Variants in TRPM3 observed in about 807,000 individuals in gnomAD.
TRPM3 encodes long transient receptor potential channel 3.
Under a neutral mutation model 181.2 loss-of-function variants are expected in TRPM3, and 77 were observed. That is an observed-to-expected ratio of 0.42 (90% CI 0.35 to 0.51). The LOEUF (loss-of-function observed/expected upper bound fraction) is 0.51. Among genes scored for constraint, TRPM3 ranks in the 20% least tolerant of loss-of-function variants. The pLI, the probability that TRPM3 is intolerant of heterozygous loss-of-function variation, is 0.01. For missense variants in TRPM3, 1,759 were observed against 2,196.7 expected, an observed-to-expected ratio of 0.80 and a Z score of 3.98; for synonymous variants, 745 against 796.4, an observed-to-expected ratio of 0.94 and a Z score of 1.09.
In TRPM3 at chr9:70,533,061, A is replaced by T. The variant is rs553259842; in HGVS notation, c.*2892T>A. The T allele has an allele frequency of 1.3e-5, 2 of 152,368 alleles. No homozygotes were observed. The highest frequency in any genetic ancestry group is 3.9e-4 in the East Asian group (2 of 5,192). The allele number at this position is 152,368 out of a possible 1,614,324, so 9.4% of individuals were successfully genotyped here. On this transcript the variant is annotated 3_prime_UTR_variant, in exon 26 of 26. Transcript: ENST00000677713. ...ATATTTCACACGTTTCACAGACGTT[A>T]GAACTTAATTTTCATGCACAACAAA...
chr9:70,877,820 C>CACACACACACACACAT (rs2095897228), intron 1 of TRPM3, among the ~76,000 whole-genome samples: 2 of 151,756 alleles, frequency 1.3e-5, no homozygotes, highest in African/African-American at 4.8e-5. Context: ...CACACACACA[C>CACACACACACACACAT]ACACACACAC....
chr9:70,533,891 A>G lies in TRPM3; in HGVS notation c.*2062T>C, dbSNP rs2131554712. 1 of 152,314 alleles carries G rather than the reference A, an allele frequency of 6.6e-6. No individual in the cohort carries two copies. Among genetic ancestry groups the G allele is most frequent in the South Asian group, 2.1e-4 (1 of 4,820 alleles). 9.4% of individuals were successfully genotyped at this position (152,314 alleles called of 1,614,324 possible). A position where few individuals can be genotyped will look rare whatever the true frequency, so the allele number is the denominator to read the frequency against. Reference sequence around the variant, plus strand: ...TATACCTGAAATGCTTATTCAGAAGAGTTTTTATTTTGTTTTTTATCTTAT... The same window carrying G: ...TATACCTGAAATGCTTATTCAGAAGGGTTTTTATTTTGTTTTTTATCTTAT... On this transcript the variant is annotated 3_prime_UTR_variant, in exon 26 of 26. Coordinates refer to ENST00000677713, the MANE Select transcript of TRPM3 (RefSeq NM_001366145.2).
intron 9 of TRPM3, among the ~76,000 whole-genome samples, chr9:70,654,743 C>T (rs1239062808): frequency 7.4e-5 from 11 of 148,248 alleles, no homozygotes; most frequent in South Asian, 2.1e-4. Context: ...AGTGCAGTGG[C>T]GCGATCTTGG....
At chr9:70,824,040 G>T (rs1279087764) in intron 6 of TRPM3, among the ~76,000 whole-genome samples, 2 of 152,226 alleles carry the variant, frequency 1.3e-5, no homozygotes, top group Non-Finnish European at 2.9e-5. Context: ...TGTTTTCAGT[G>T]ATCATTGCCA....
intron 1 of TRPM3, among the ~76,000 whole-genome samples, chr9:71,388,480 A>C (rs1474536157): frequency 1.3e-5 from 2 of 152,140 alleles, no homozygotes; most frequent in Non-Finnish European, 2.9e-5. Flanking sequence ...GTATTATTTC[A>C]GCCTCAATGT....
chr9:70,655,426 C>T (rs1000696714), intron 9 of TRPM3, among the ~76,000 whole-genome samples: 1 of 149,880 alleles, frequency 6.7e-6, no homozygotes, highest in Non-Finnish European at 1.5e-5. Context: ...TTCCTAAGTT[C>T]TCTTTTTTCT....
At position 71,088,122 on chromosome 9, in the gene TRPM3, T is replaced by TA. The variant is rs201942480; in HGVS notation, c.177+33055dup. ...AGCTCTTGTCAACAATCAGCTACAG[T>TA]AAAAAACATGTCGGGTTACAGTGAT... On this transcript the variant is annotated intron_variant, in intron 1 of 25. Coordinates refer to ENST00000677713, the MANE Select transcript of TRPM3 (RefSeq NM_001366145.2). Among the ~76,000 whole-genome samples, 5 of 152,052 alleles carry TA rather than the reference T, an allele frequency of 3.3e-5. No homozygotes were observed. In the East Asian group the frequency reaches 9.6e-4, roughly 29 times the overall value.
chr9:71,375,568 A>G (rs1343934262), intron 1 of TRPM3, among the ~76,000 whole-genome samples: 1 of 152,250 alleles, frequency 6.6e-6, no homozygotes, highest in Non-Finnish European at 1.5e-5. Flanking sequence ...AGAAGAAACC[A>G]TCATCAGAGT....
chr9:70,579,002 A>C (rs1409344273), intron 22 of TRPM3, among the ~76,000 whole-genome samples: 2 of 152,152 alleles, frequency 1.3e-5, no homozygotes, highest in Non-Finnish European at 2.9e-5. Context: ...AGGGGGTGCA[A>C]CTGCCCCTGG....
At chr9:70,693,409 C>A (rs73647136) in intron 8 of TRPM3, among the ~76,000 whole-genome samples, 1 of 152,230 alleles carries the variant, frequency 6.6e-6, no homozygotes, top group East Asian at 1.9e-4. Flanking sequence ...ACACCCAGAA[C>A]CAGAGACAGT....
Position 70,864,454 on chromosome 9 carries a change from G to C in TRPM3, c.235C>G (p.Pro79Ala), listed in dbSNP as rs2095595674. The C allele has an allele frequency of 6.8e-7, 1 of 1,478,580 alleles. No homozygotes were observed. 91.6% of individuals were successfully genotyped at this position (1,478,580 alleles called of 1,614,324 possible). A position where few individuals can be genotyped will look rare whatever the true frequency, so the allele number is the denominator to read the frequency against. Residue 79 changes from proline (P) to alanine (A), a missense_variant, in exon 2 of 26, where the codon CCC becomes GCC. Transcript: ENST00000677713. ...FYKRECVHII[P>A]STKDPHRCCC... is the part of the protein sequence containing the mutation. The stretch of plus-strand genomic sequence containing the variant: ...TACCTATGGGGGTCTTTGGTGCTGG[G>C]TATGATGTGGACACATTCTCTTTTA...
At chr9:71,325,451 A>G (rs1257619194) in intron 1 of TRPM3, among the ~76,000 whole-genome samples, 1 of 152,032 alleles carries the variant, frequency 6.6e-6, no homozygotes, top group Non-Finnish European at 1.5e-5. Context: ...GTGTTCCCCT[A>G]TTTCACAGGT....
intron 1 of TRPM3, among the ~76,000 whole-genome samples, chr9:70,991,187 A>G (rs1291865824): frequency 1.3e-5 from 2 of 152,152 alleles, no homozygotes; most frequent in African/African-American, 2.4e-5. Context: ...ACCTAGATTC[A>G]TGGATAGAAT....
chr9:70,761,685 A>T lies in TRPM3; in HGVS notation c.1188T>A (p.Thr396=). The change falls in exon 8 of 26, where the codon ACT becomes ACA. Residue 396 remains threonine, a synonymous_variant. Transcript: ENST00000677713. The part of the protein sequence containing the change: ...NESLRDQLLV[T]IQKTFTYTRT... ...GAGTGTATGTGAAAGTCTTCTGTAT[A>T]GTCACCAACAGCTGGTCCCTCAAAG... The T allele has an allele frequency of 1.2e-6, 2 of 1,613,616 alleles. No homozygotes were observed. Among genetic ancestry groups the T allele is most frequent in the East Asian group, 2.2e-5 (1 of 44,812 alleles).
At chr9:71,440,003 G>C (rs1306574216) in intron 1 of TRPM3, among the ~76,000 whole-genome samples, 1 of 151,980 alleles carries the variant, frequency 6.6e-6, no homozygotes, top group Non-Finnish European at 1.5e-5. Flanking sequence ...GGCACCTGTA[G>C]TCCCAGCTAC....
chr9:71,151,028 A>C (rs889799580), intron 1 of TRPM3, among the ~76,000 whole-genome samples: 2 of 152,206 alleles, frequency 1.3e-5, no homozygotes, highest in Non-Finnish European at 2.9e-5. Flanking sequence ...GCAAAAATTC[A>C]GATTTGATCT....
At chr9:71,324,452 A>G (rs926279216) in intron 1 of TRPM3, among the ~76,000 whole-genome samples, 13 of 152,062 alleles carry the variant, frequency 8.5e-5, no homozygotes, top group Non-Finnish European at 1.8e-4. Context: ...GTTTATTAAA[A>G]AGACCAAAAA....
chr9:70,803,897 G>A (rs139920340), intron 6 of TRPM3, among the ~76,000 whole-genome samples: 479 of 152,256 alleles, frequency 3.1e-3, no homozygotes, highest in African/African-American at 0.011. Context: ...TAAGATAGAA[G>A]TTCTCTTTGA....
intron 1 of TRPM3, among the ~76,000 whole-genome samples, chr9:71,258,493 C>T (rs544480551): frequency 3.3e-5 from 5 of 152,234 alleles, no homozygotes; most frequent in African/African-American, 9.6e-5. Context: ...TCTTGTATCT[C>T]ATATTATTTT....
Sources: allele counts gnomAD v4.1 joint callset (sites outside exome capture counted in the v4.1 genomes callset), GRCh38; gene constraint gnomAD v4.1.1; transcripts MANE v1.5; gene names NCBI Gene and HGNC (gene_info 2026-07-23, HGNC 2026-07-21).